The following LRRC4C variants were observed in gnomAD, a reference collection of about 807,000 sequenced individuals.
LRRC4C encodes leucine rich repeat containing 4C, also known as leucine-rich repeat-containing protein 4C.
Under a neutral mutation model 33.6 loss-of-function variants are expected in LRRC4C, and 5 were observed. The observed-to-expected ratio is 0.15, with a 90% CI of 0.08 to 0.31. The LOEUF (loss-of-function observed/expected upper bound fraction) is 0.31, where lower values mean the gene tolerates loss of function less well. LRRC4C is among the 10% of genes least tolerant of loss of function. The pLI is 1.00. For missense variants in LRRC4C, 560 were observed against 796.7 expected, an observed-to-expected ratio of 0.70 and a Z score of 3.58; for synonymous variants, 329 against 302.0, an observed-to-expected ratio of 1.09 and a Z score of -0.93.
rs531034969 is a variant in LRRC4C at position 40,619,936 on chromosome 11, A to G, written c.-270+28206T>C. Among the ~76,000 whole-genome samples, 7 of 151,066 alleles carry G rather than the reference A, an allele frequency of 4.6e-5. No individual in the cohort carries two copies. In the South Asian group the frequency reaches 1.3e-3, roughly 27 times the overall value. On this transcript the variant is annotated intron_variant, in intron 3 of 6. Coordinates refer to ENST00000528697, the MANE Select transcript of LRRC4C (RefSeq NM_001258419.2). The stretch of plus-strand genomic sequence containing the variant: ...TTTGTTGGTGGTTATTATTCATTGT[A>G]GGTGTTTTACATTTTATTCAAACCT...
At chr11:40,601,070 T>G (rs1370009149) in intron 3 of LRRC4C, among the ~76,000 whole-genome samples, 1 of 152,210 alleles carries the variant, frequency 6.6e-6, no homozygotes, top group Non-Finnish European at 1.5e-5. Flanking sequence ...CAACACTATC[T>G]GACTCATTAA....
intron 1 of LRRC4C, among the ~76,000 whole-genome samples, chr11:41,458,660 A>G (rs1019947759): frequency 6.6e-6 from 1 of 151,970 alleles, no homozygotes; most frequent in Non-Finnish European, 1.5e-5. Flanking sequence ...ACTTGCTTTT[A>G]CAGCCAAGAA....
At chr11:40,118,118 T>A (rs1044687447) in intron 6 of LRRC4C, among the ~76,000 whole-genome samples, 2 of 148,522 alleles carry the variant, frequency 1.3e-5, no homozygotes, top group Non-Finnish European at 3.0e-5. Context: ...TATAAATTGT[T>A]AATATGAAAA....
intron 5 of LRRC4C, among the ~76,000 whole-genome samples, chr11:40,207,586 G>A (rs768416984): frequency 6.6e-6 from 1 of 152,144 alleles, no homozygotes; most frequent in Non-Finnish European, 1.5e-5. Context: ...CTGGGCAACA[G>A]AGTGAGATAC....
intron 3 of LRRC4C, among the ~76,000 whole-genome samples, chr11:40,341,618 C>A (rs567247637): frequency 1.3e-4 from 20 of 152,224 alleles, no homozygotes; most frequent in Non-Finnish European, 2.4e-4. Context: ...AGCACACCAA[C>A]ATGGCACATG....
chr11:41,398,275 A>G (rs1953896756), intron 1 of LRRC4C, among the ~76,000 whole-genome samples: 1 of 151,916 alleles, frequency 6.6e-6, no homozygotes, highest in Non-Finnish European at 1.5e-5. Flanking sequence ...ACTTTTTTTA[A>G]GTTTTATTTT....
chr11:40,728,077 C>G (rs866938234), intron 2 of LRRC4C, among the ~76,000 whole-genome samples: 39 of 151,856 alleles, frequency 2.6e-4, no homozygotes, highest in Middle Eastern at 6.8e-3. Context: ...AAGTGAAATA[C>G]AAATCAAAAC....
At chr11:41,045,574 G>A (rs899225221) in intron 1 of LRRC4C, among the ~76,000 whole-genome samples, 2 of 152,002 alleles carry the variant, frequency 1.3e-5, no homozygotes, top group Non-Finnish European at 2.9e-5. Context: ...GTGCTCTTTT[G>A]GTGTTGAACA....
chr11:40,474,925 T>A lies in LRRC4C; in HGVS notation c.-269-155204A>T, dbSNP rs187010991. On this transcript the variant is annotated intron_variant, in intron 3 of 6. Transcript: ENST00000528697. ...AGATACCATCTCATGCCAGTTAGAA[T>A]GGCAATCATTAAAATGTCAGGAAAC... Among the ~76,000 whole-genome samples the A allele has an allele frequency of 4.0e-3, 613 of 152,258 alleles. 2 individuals are homozygous for A. Among genetic ancestry groups the A allele is most frequent in the African/African-American group, 0.014 (593 of 41,528 alleles).
chr11:40,444,162 A>T (rs1951520532), intron 3 of LRRC4C, among the ~76,000 whole-genome samples: 2 of 152,044 alleles, frequency 1.3e-5, no homozygotes, highest in African/African-American at 4.8e-5. Flanking sequence ...CACATGAAGA[A>T]GTAGTACTAT....
At chr11:40,168,030 A>G (rs1215255886) in intron 5 of LRRC4C, among the ~76,000 whole-genome samples, 1 of 151,766 alleles carries the variant, frequency 6.6e-6, no homozygotes, top group African/African-American at 2.4e-5. Flanking sequence ...GCAACAGAGC[A>G]AAACTCTGTC....
intron 3 of LRRC4C, among the ~76,000 whole-genome samples, chr11:40,475,351 A>G (rs1432463261): frequency 6.6e-6 from 1 of 152,158 alleles, no homozygotes; most frequent in Non-Finnish European, 1.5e-5. Flanking sequence ...TAACACAGGA[A>G]CAGAAAACCA....
intron 3 of LRRC4C, among the ~76,000 whole-genome samples, chr11:40,512,286 A>T (rs1032123698): frequency 1.3e-5 from 2 of 152,186 alleles, no homozygotes; most frequent in South Asian, 4.1e-4. Flanking sequence ...AGGTGAGAGA[A>T]TTGCTTCAAC....
intron 2 of LRRC4C, among the ~76,000 whole-genome samples, chr11:40,700,265 T>A (rs1945803548): frequency 6.6e-6 from 1 of 152,114 alleles, no homozygotes; most frequent in Non-Finnish European, 1.5e-5. Flanking sequence ...ATTTCATGGT[T>A]GGGAAAATAT....
At chr11:40,682,458 T>G (rs966007511) in intron 2 of LRRC4C, among the ~76,000 whole-genome samples, 1 of 152,098 alleles carries the variant, frequency 6.6e-6, no homozygotes, top group African/African-American at 2.4e-5. Context: ...TGCTTTTCAA[T>G]TATGTAACAC....
chr11:40,558,257 C>T (rs1244980146), intron 3 of LRRC4C, among the ~76,000 whole-genome samples: 1 of 152,142 alleles, frequency 6.6e-6, no homozygotes, highest in Non-Finnish European at 1.5e-5. Flanking sequence ...TTAAAACATT[C>T]AAACATTTTA....
chr11:41,262,469 C>T lies in LRRC4C; in HGVS notation c.-496+196962G>A, dbSNP rs371781573. 1.2e-3 allele frequency among the ~76,000 whole-genome samples: 187 copies of T among 151,038 alleles called. 2 individuals are homozygous for T. The South Asian group carries it at 0.03, about 24-fold the overall frequency. On this transcript the variant is annotated intron_variant, in intron 1 of 6. Transcript: ENST00000528697. ...ACGTTCCAAACAGGGAACGCTTCTA[C>T]GTACTGGAATGATGAGTTGAACAAA...
intron 3 of LRRC4C, among the ~76,000 whole-genome samples, chr11:40,476,536 G>A (rs1430499985): frequency 1.3e-5 from 2 of 151,686 alleles, no homozygotes; most frequent in South Asian, 2.1e-4. Flanking sequence ...ACTAGAGACA[G>A]GTTTTCACTA....
chr11:41,195,926 A>G (rs1007507463), intron 1 of LRRC4C, among the ~76,000 whole-genome samples: 1 of 152,100 alleles, frequency 6.6e-6, no homozygotes, highest in Admixed American at 6.6e-5. Context: ...CCCTTTGAGA[A>G]GGAAGGAAGT....
Sources: gnomAD v4.1 joint callset for allele counts (sites outside exome capture counted in the v4.1 genomes callset) on GRCh38, gnomAD v4.1.1 for gene constraint, MANE v1.5 for transcripts, NCBI Gene and HGNC (gene_info 2026-07-23, HGNC 2026-07-21) for gene names.